KCNH1: variants seen among roughly 807,000 people sequenced by gnomAD.
KCNH1 encodes voltage-gated delayed rectifier potassium channel KCNH1.
Under a neutral mutation model 69.2 loss-of-function variants are expected in KCNH1, and 27 were observed. That is an observed-to-expected ratio of 0.39 (90% CI 0.29 to 0.54). The LOEUF is 0.54. KCNH1 is among the 20% of genes least tolerant of loss of function. The pLI, the probability that KCNH1 is intolerant of heterozygous loss-of-function variation, is 0.68. For synonymous variants in KCNH1, 456 were observed against 487.7 expected (o/e 0.93, Z 0.86); for missense variants, 798 against 1,261.6 (o/e 0.63, Z 5.57).
chr1:210,845,573 G>A (rs1418775823), intron 7 of KCNH1, among the ~76,000 whole-genome samples: 7 of 152,216 alleles, frequency 4.6e-5, no homozygotes, highest in African/African-American at 4.8e-5. Context: ...TTGATGGGAC[G>A]TATCTCAAAA....
At chr1:210,848,812 T>C (rs1308178119) in intron 7 of KCNH1, among the ~76,000 whole-genome samples, 1 of 152,240 alleles carries the variant, frequency 6.6e-6, no homozygotes, top group Non-Finnish European at 1.5e-5. Flanking sequence ...ATTTTTTTTC[T>C]ACTTTATGAT....
At chr1:210,699,707 C>T (rs1192019071) in intron 10 of KCNH1, among the ~76,000 whole-genome samples, 1 of 152,178 alleles carries the variant, frequency 6.6e-6, no homozygotes. Flanking sequence ...AAAAATGTTT[C>T]ACCAGTGGAG....
intron 9 of KCNH1, among the ~76,000 whole-genome samples, chr1:210,785,870 G>C (rs1019202026): frequency 6.6e-6 from 1 of 152,134 alleles, no homozygotes; most frequent in Non-Finnish European, 1.5e-5. Context: ...GAGCAGACCC[G>C]CATAGGAAGA....
At chr1:210,991,505 A>G (rs1338305232) in intron 6 of KCNH1, among the ~76,000 whole-genome samples, 1 of 152,104 alleles carries the variant, frequency 6.6e-6, no homozygotes, top group Non-Finnish European at 1.5e-5. Context: ...AGTTTCAGTT[A>G]GACAGGAGGA....
intron 6 of KCNH1, among the ~76,000 whole-genome samples, chr1:211,017,549 C>T (rs1689514467): frequency 6.6e-6 from 1 of 152,150 alleles, no homozygotes; most frequent in Admixed American, 6.5e-5. Flanking sequence ...TTATCTTAAT[C>T]CATCTGGAAT....
intron 5 of KCNH1, among the ~76,000 whole-genome samples, chr1:211,038,071 T>C (rs916265486): frequency 4.0e-5 from 6 of 150,508 alleles, no homozygotes; most frequent in African/African-American, 1.2e-4. Flanking sequence ...GCCATTCTCC[T>C]GCCTCAGCCT....
intron 6 of KCNH1, among the ~76,000 whole-genome samples, chr1:210,970,632 A>T (rs1174901917): frequency 6.6e-6 from 1 of 152,212 alleles, no homozygotes; most frequent in Admixed American, 6.5e-5. Context: ...TTATACAAAA[A>T]TTAACTCAAA....
intron 9 of KCNH1, among the ~76,000 whole-genome samples, chr1:210,781,567 A>C (rs1005651272): frequency 6.6e-6 from 1 of 152,178 alleles, no homozygotes; most frequent in Non-Finnish European, 1.5e-5. Flanking sequence ...AAGACAGATA[A>C]GGGGAACTGG....
intron 1 of KCNH1, among the ~76,000 whole-genome samples, chr1:211,117,333 C>T (rs1375898621): frequency 6.6e-6 from 1 of 152,060 alleles, no homozygotes; most frequent in East Asian, 1.9e-4. Context: ...GTAGCTCTCT[C>T]CCCCTTGCAT....
chr1:210,837,285 T>C (rs1223637838), intron 7 of KCNH1, among the ~76,000 whole-genome samples: 4 of 152,152 alleles, frequency 2.6e-5, no homozygotes, highest in African/African-American at 9.7e-5. Flanking sequence ...TCCCCTGTGT[T>C]CCCAGAGCTC....
At position 210,956,147 on chromosome 1, in the gene KCNH1, T is replaced by C. The variant is rs1018119463; in HGVS notation, c.1033-36078A>G. Among the ~76,000 whole-genome samples, 16 of 152,220 alleles carry C rather than the reference T, an allele frequency of 1.1e-4. 1 individual carries two copies. Among genetic ancestry groups the C allele is most frequent in the Admixed American group, 9.8e-4 (15 of 15,284 alleles). ...AATATTGTCAAAGGCCTTTACAGCA[T>C]CTATGGAGATAATCGTGTGGTTTAT... On this transcript the variant is annotated intron_variant, in intron 6 of 10. Coordinates refer to ENST00000271751, the MANE Select transcript of KCNH1 (RefSeq NM_172362.3).
chr1:210,858,949 A>C, intron 7 of KCNH1: 1 of 423,592 alleles, frequency 2.4e-6, no homozygotes, highest in Non-Finnish European at 4.2e-6. Context: ...ACACCCCCTA[A>C]GGTACCTCCA....
intron 6 of KCNH1, among the ~76,000 whole-genome samples, chr1:210,940,286 C>T (rs1445372890): frequency 4.6e-5 from 7 of 152,190 alleles, no homozygotes; most frequent in Admixed American, 2.0e-4. Context: ...CCTTATGTTG[C>T]CTACAATCAG....
intron 10 of KCNH1, among the ~76,000 whole-genome samples, chr1:210,706,680 C>T (rs749383851): frequency 5.9e-5 from 9 of 152,252 alleles, no homozygotes; most frequent in Non-Finnish European, 1.0e-4. Flanking sequence ...GCCAATTCTT[C>T]TGAGTCTCAG....
intron 1 of KCNH1, among the ~76,000 whole-genome samples, chr1:211,132,078 C>T (rs1691886827): frequency 6.6e-6 from 1 of 152,176 alleles, no homozygotes; most frequent in African/African-American, 2.4e-5. Context: ...AGTTTCTCTT[C>T]CTGCTCCCTC....
At chr1:210,774,459 T>C (rs553013779) in intron 10 of KCNH1, among the ~76,000 whole-genome samples, 1 of 152,268 alleles carries the variant, frequency 6.6e-6, no homozygotes, top group Admixed American at 6.5e-5. Context: ...AGCATCAACG[T>C]TGATGCCAGG....
chr1:211,115,946 G>A (rs1691572004), intron 1 of KCNH1, among the ~76,000 whole-genome samples: 1 of 151,724 alleles, frequency 6.6e-6, no homozygotes, highest in South Asian at 2.1e-4. Context: ...ACCAGCCTGG[G>A]CACCAAAGTT....
At chr1:210,841,827 T>C (rs1282134537) in intron 7 of KCNH1, among the ~76,000 whole-genome samples, 1 of 152,164 alleles carries the variant, frequency 6.6e-6, no homozygotes, top group Non-Finnish European at 1.5e-5. Context: ...TTAATACTAC[T>C]GGACTAAAGC....
At chr1:210,759,688 T>G (rs1683476539) in intron 10 of KCNH1, among the ~76,000 whole-genome samples, 2 of 152,170 alleles carry the variant, frequency 1.3e-5, no homozygotes, top group South Asian at 4.1e-4. Flanking sequence ...GATGACATAA[T>G]GTAACCAAAT....
Sources: gnomAD v4.1 joint callset for allele counts (sites outside exome capture counted in the v4.1 genomes callset) on GRCh38, gnomAD v4.1.1 for gene constraint, MANE v1.5 for transcripts, NCBI Gene and HGNC (gene_info 2026-07-23, HGNC 2026-07-21) for gene names.